The following PDE1C variants were observed in gnomAD, a reference collection of about 807,000 sequenced individuals.
PDE1C encodes the protein dual specificity calcium/calmodulin-dependent 3',5'-cyclic nucleotide phosphodiesterase 1C.
PDE1C carries 62 observed loss-of-function variants against 93.1 expected under a neutral mutation model. The ratio of observed to expected loss-of-function variants is 0.67; its 90% CI spans 0.54 to 0.82. PDE1C has a LOEUF of 0.82. Ranked by LOEUF, PDE1C falls within the 40% of genes least tolerant of loss-of-function variation. The pLI is 0.00. For missense variants in PDE1C, 742 were observed against 884.6 expected (o/e 0.84, Z 2.04); for synonymous variants, 325 against 310.1 (o/e 1.05, Z -0.50).
intron 1 of PDE1C, among the ~76,000 whole-genome samples, chr7:32,285,895 C>T (rs766509507): frequency 1.4e-4 from 21 of 152,008 alleles, no homozygotes; most frequent in Non-Finnish European, 2.9e-4. Flanking sequence ...CCAACCCCTC[C>T]CCCTGCATTA....
chr7:32,014,441 T>C (rs1474810616), intron 2 of PDE1C, among the ~76,000 whole-genome samples: 1 of 151,796 alleles, frequency 6.6e-6, no homozygotes, highest in Admixed American at 6.6e-5. Flanking sequence ...ATTTACTGTG[T>C]CTTGAAGAAA....
At chr7:32,112,021 A>G (rs1225334171) in intron 3 of PDE1C, among the ~76,000 whole-genome samples, 1 of 152,194 alleles carries the variant, frequency 6.6e-6, no homozygotes, top group Non-Finnish European at 1.5e-5. Context: ...TCAGTTGTGA[A>G]ACCATAATTC....
rs190903330 is a variant in PDE1C, at chr7:31,943,838, G to A, written c.129-62978C>T. ...GTTGAATCCCCACCAATGAAAAAAC[G>A]GCCAGTTCAGAACTATGGCAGAATC... On this transcript the variant is annotated intron_variant, in intron 2 of 17. Coordinates refer to ENST00000396191, the MANE Select transcript of PDE1C (RefSeq NM_001191057.4). Among the ~76,000 whole-genome samples the A allele has an allele frequency of 3.9e-5, 6 of 152,094 alleles. No homozygotes were observed. The South Asian group carries it at 6.2e-4, about 16-fold the overall frequency.
intron 6 of PDE1C, among the ~76,000 whole-genome samples, chr7:31,871,831 C>G (rs1795985404): frequency 6.6e-6 from 1 of 151,674 alleles, no homozygotes; most frequent in Admixed American, 6.6e-5. Context: ...AAAAGTAGAA[C>G]TACCATGCAA....
At chr7:31,867,706 G>A (rs1451235092) in intron 6 of PDE1C, among the ~76,000 whole-genome samples, 2 of 152,188 alleles carry the variant, frequency 1.3e-5, no homozygotes, top group African/African-American at 4.8e-5. Flanking sequence ...ACTGGCTCCT[G>A]AGCAAGCCAC....
At chr7:32,355,623 C>G (rs188539267) in intron 1 of PDE1C, among the ~76,000 whole-genome samples, 18 of 152,322 alleles carry the variant, frequency 1.2e-4, no homozygotes, top group African/African-American at 3.8e-4. Context: ...AGCATTCCCT[C>G]CTCTAAGTTC....
the PDE1C span, among the ~76,000 whole-genome samples, chr7:31,639,598 G>T: frequency 1.1e-4 from 17 of 148,058 alleles, no homozygotes; most frequent in African/African-American, 4.2e-4. Flanking sequence ...GTGCAGTGGC[G>T]CAATCTCAGC....
intron 1 of PDE1C, among the ~76,000 whole-genome samples, chr7:32,387,867 TC>T (rs1020828606): frequency 8.9e-6 from 1 of 112,900 alleles, no homozygotes; most frequent in Non-Finnish European, 1.8e-5. Flanking sequence ...CTGACCCCCC[TC>T]CCCCCTCCCG....
At chr7:32,095,410 C>T (rs879299021) in intron 3 of PDE1C, among the ~76,000 whole-genome samples, 1 of 152,204 alleles carries the variant, frequency 6.6e-6, no homozygotes, top group Non-Finnish European at 1.5e-5. Context: ...TCCTCAGTCC[C>T]TTCCTTCCAG....
intron 9 of PDE1C, among the ~76,000 whole-genome samples, chr7:31,838,468 A>G (rs181396107): frequency 2.6e-5 from 4 of 152,262 alleles, no homozygotes; most frequent in South Asian, 2.1e-4. Flanking sequence ...TCTTATTTTT[A>G]AAGTCTTGTG....
intron 7 of PDE1C, among the ~76,000 whole-genome samples, chr7:31,854,784 G>A (rs976178308): frequency 2.6e-5 from 4 of 152,004 alleles, no homozygotes; most frequent in Admixed American, 6.6e-5. Context: ...GAACACTTCC[G>A]GGCCTGGCGA....
At chr7:31,763,809 TCA>T (rs201609285) in intron 17 of PDE1C, among the ~76,000 whole-genome samples, 1,593 of 152,106 alleles carry the variant, frequency 0.01, 18 homozygotes, top group African/African-American at 0.035. Context: ...TATAGAAAAG[TCA>T]CATAATTCCC....
chr7:31,886,851 T>TTTCAGAATAGATCTA (rs1797982613), intron 2 of PDE1C, among the ~76,000 whole-genome samples: 1 of 10,640 alleles, frequency 9.4e-5, no homozygotes, highest in African/African-American at 3.0e-4. Context: ...TTTCGGATCT[T>TTTCAGAATAGATCTA]TTCAGAATAG....
chr7:31,921,686 T>C (rs1052013390), intron 2 of PDE1C, among the ~76,000 whole-genome samples: 1 of 152,146 alleles, frequency 6.6e-6, no homozygotes, highest in Non-Finnish European at 1.5e-5. Flanking sequence ...AGAGTAAAGC[T>C]TGATAATAAA....
intron 1 of PDE1C, among the ~76,000 whole-genome samples, chr7:32,392,615 G>A (rs1784771517): frequency 6.6e-6 from 1 of 152,016 alleles, no homozygotes; most frequent in Admixed American, 6.6e-5. Context: ...TTTATCCTAG[G>A]AATGCAAGAT....
chr7:31,864,832 TA>T, intron 7 of PDE1C, 109 bp downstream of exon 7: 1 of 1,037,986 alleles, frequency 9.6e-7, no homozygotes, highest in Non-Finnish European at 1.4e-6. Context: ...AGGAAGTCCA[TA>T]AAACAATGCA....
At chr7:31,970,504 C>T (rs1221184035) in intron 2 of PDE1C, among the ~76,000 whole-genome samples, 2 of 152,206 alleles carry the variant, frequency 1.3e-5, no homozygotes, top group Non-Finnish European at 2.9e-5. Context: ...AGCCTTCTTC[C>T]TTTAGAAGTA....
chr7:32,051,103 GC>G (rs1793294159), intron 2 of PDE1C, among the ~76,000 whole-genome samples: 1 of 152,146 alleles, frequency 6.6e-6, no homozygotes, highest in Admixed American at 6.5e-5. Flanking sequence ...GACTGCCACT[GC>G]CCTTAAAGGA....
intron 3 of PDE1C, among the ~76,000 whole-genome samples, chr7:32,083,938 A>G (rs1013544869): frequency 4.0e-5 from 6 of 151,324 alleles, no homozygotes; most frequent in African/African-American, 7.3e-5. Flanking sequence ...AAGAAACTAC[A>G]TCAACTAACG....
Sources: gnomAD v4.1 joint callset for allele counts (sites outside exome capture counted in the v4.1 genomes callset) on GRCh38, gnomAD v4.1.1 for gene constraint, MANE v1.5 for transcripts, NCBI Gene and HGNC (gene_info 2026-07-23, HGNC 2026-07-21) for gene names.